Variants in ROBO1 observed in about 807,000 individuals in gnomAD.
ROBO1 encodes roundabout guidance receptor 1, also known as roundabout homolog 1.
In ROBO1, 149 loss-of-function variants were observed where a neutral mutation model predicts 195.9. That is an observed-to-expected ratio of 0.76 (90% CI 0.67 to 0.87). The LOEUF is 0.87. Ranked by LOEUF, ROBO1 falls within the 40% of genes least tolerant of loss-of-function variation. ROBO1 has a pLI of 0.00. For missense variants in ROBO1, 1,933 were observed against 2,068.3 expected (o/e 0.93, Z 1.27); for synonymous variants, 816 against 733.2 (o/e 1.11, Z -1.82).
chr3:78,795,003 A>G (rs1470474731), intron 4 of ROBO1, among the ~76,000 whole-genome samples: 1 of 152,206 alleles, frequency 6.6e-6, no homozygotes, highest in Non-Finnish European at 1.5e-5. Flanking sequence ...TTGTAATTAC[A>G]TTTAACAGAA....
chr3:79,018,420 T>C (rs948853332), intron 3 of ROBO1: 4 of 1,613,824 alleles, frequency 2.5e-6, no homozygotes, highest in Admixed American at 1.7e-5. Flanking sequence ...AACAGAGACA[T>C]ATTAATCCAA....
intron 1 of ROBO1, among the ~76,000 whole-genome samples, chr3:79,751,580 A>G (rs1292802842): frequency 6.6e-6 from 1 of 152,176 alleles, no homozygotes; most frequent in Non-Finnish European, 1.5e-5. Context: ...ATGTTTGTAT[A>G]TGGACTACTA....
intron 2 of ROBO1, among the ~76,000 whole-genome samples, chr3:79,502,204 C>A (rs1940113343): frequency 6.6e-6 from 1 of 152,218 alleles, no homozygotes; most frequent in Non-Finnish European, 1.5e-5. Flanking sequence ...GAGCCCCTTT[C>A]TGGGCGGGCC....
chr3:79,305,011 G>T (rs1242278590), intron 2 of ROBO1, among the ~76,000 whole-genome samples: 1 of 152,058 alleles, frequency 6.6e-6, no homozygotes, highest in Admixed American at 6.5e-5. Flanking sequence ...TAGTCAATAC[G>T]TGGTATGGTT....
intron 4 of ROBO1, among the ~76,000 whole-genome samples, chr3:78,877,401 A>G (rs1576331099): frequency 6.6e-6 from 1 of 152,142 alleles, no homozygotes; most frequent in African/African-American, 2.4e-5. Context: ...CATTAGAACA[A>G]TTCTCTGATA....
At chr3:79,018,523 C>T (rs889673976) in intron 3 of ROBO1, 99 of 1,605,166 alleles carry the variant, frequency 6.2e-5, no homozygotes, top group Non-Finnish European at 8.2e-5. Flanking sequence ...AATAGGGTCC[C>T]CAAATGTATG....
intron 8 of ROBO1, among the ~76,000 whole-genome samples, chr3:78,702,818 C>T (rs2081450774): frequency 6.6e-6 from 1 of 152,048 alleles, no homozygotes; most frequent in Non-Finnish European, 1.5e-5. Context: ...AAAACTCAGA[C>T]CATCATGGAA....
At chr3:78,739,493 A>G (rs2082472084) in intron 5 of ROBO1, among the ~76,000 whole-genome samples, 1 of 152,150 alleles carries the variant, frequency 6.6e-6, no homozygotes, top group Non-Finnish European at 1.5e-5. Flanking sequence ...TAACTTACTG[A>G]TTTATAATAT....
chr3:78,860,073 C>T (rs1401712911), intron 4 of ROBO1, among the ~76,000 whole-genome samples: 6 of 140,172 alleles, frequency 4.3e-5, no homozygotes, highest in Admixed American at 2.2e-4. Flanking sequence ...AGCGAGACTT[C>T]GTCTCAAAAA....
chr3:79,688,250 A>G (rs1053236122), intron 1 of ROBO1, among the ~76,000 whole-genome samples: 8 of 149,628 alleles, frequency 5.3e-5, no homozygotes, highest in Non-Finnish European at 1.0e-4. Context: ...GGATAGCATT[A>G]GGAGATATAC....
At chr3:79,621,291 C>T (rs1192838767) in intron 1 of ROBO1, among the ~76,000 whole-genome samples, 1 of 152,194 alleles carries the variant, frequency 6.6e-6, no homozygotes. Flanking sequence ...TAATTTTCCA[C>T]TATCTACCCA....
At chr3:79,215,795 G>T (rs1576826905) in intron 2 of ROBO1, among the ~76,000 whole-genome samples, 2 of 152,174 alleles carry the variant, frequency 1.3e-5, no homozygotes, top group South Asian at 4.1e-4. Context: ...GGCTCAATTT[G>T]CATTAACTCC....
At chr3:79,044,467 T>G (rs1275234802) in intron 3 of ROBO1, among the ~76,000 whole-genome samples, 1 of 152,188 alleles carries the variant, frequency 6.6e-6, no homozygotes, top group Admixed American at 6.6e-5. Context: ...ACCTACATTC[T>G]AGAAGATATA....
At chr3:79,393,800 G>C (rs192772130) in intron 2 of ROBO1, among the ~76,000 whole-genome samples, 1 of 152,266 alleles carries the variant, frequency 6.6e-6, no homozygotes, top group Non-Finnish European at 1.5e-5. Context: ...CAATAAGAAA[G>C]AGAAGGAAAA....
intron 2 of ROBO1, among the ~76,000 whole-genome samples, chr3:79,373,280 G>GT (rs149920748): frequency 7.5e-4 from 112 of 149,602 alleles, no homozygotes; most frequent in South Asian, 2.1e-3. Flanking sequence ...TGTAAAACAC[G>GT]TTTTTTTTTT....
At chr3:79,004,323 T>A (rs1159023413) in intron 3 of ROBO1, among the ~76,000 whole-genome samples, 3 of 152,192 alleles carry the variant, frequency 2.0e-5, no homozygotes, top group Non-Finnish European at 4.4e-5. Context: ...GACATATTCA[T>A]CCCTTCTATA....
intron 1 of ROBO1, among the ~76,000 whole-genome samples, chr3:79,752,764 A>T (rs1410920599): frequency 1.3e-5 from 2 of 152,170 alleles, no homozygotes; most frequent in African/African-American, 4.8e-5. Context: ...AATTCCACAC[A>T]GGAGATGAGG....
At chr3:78,634,788 C>G (rs1415515750) in intron 23 of ROBO1, among the ~76,000 whole-genome samples, 1 of 152,116 alleles carries the variant, frequency 6.6e-6, no homozygotes, top group Non-Finnish European at 1.5e-5. Flanking sequence ...CAAGTACTTT[C>G]TTAAACTTGA....
chr3:79,609,590 G>A (rs1045485906), intron 1 of ROBO1, among the ~76,000 whole-genome samples: 1 of 151,594 alleles, frequency 6.6e-6, no homozygotes, highest in African/African-American at 2.4e-5. Flanking sequence ...ATTCAAAAGG[G>A]GAAATTTACC....
Sources: gnomAD v4.1 joint callset for allele counts (sites outside exome capture counted in the v4.1 genomes callset) on GRCh38, gnomAD v4.1.1 for gene constraint, MANE v1.5 for transcripts, NCBI Gene and HGNC (gene_info 2026-07-23, HGNC 2026-07-21) for gene names.